The following SKAP1 variants were observed in gnomAD, a reference collection of about 807,000 sequenced individuals.
SKAP1 encodes src kinase associated phosphoprotein 1.
SKAP1 carries 44 observed loss-of-function variants against 58.5 expected under a neutral mutation model. The ratio of observed to expected loss-of-function variants is 0.75; its 90% CI spans 0.59 to 0.97. The LOEUF is 0.97. Ranked by LOEUF, SKAP1 falls within the 50% of genes least tolerant of loss-of-function variation. SKAP1 has a pLI of 0.00. For missense variants in SKAP1, 390 were observed against 435.2 expected (o/e 0.90, Z 0.92); for synonymous variants, 127 against 149.7 (o/e 0.85, Z 1.11).
intron 4 of SKAP1, among the ~76,000 whole-genome samples, chr17:48,247,293 C>T (rs1197730351): frequency 1.3e-5 from 2 of 152,148 alleles, no homozygotes; most frequent in Non-Finnish European, 2.9e-5. Context: ...ATTAACTAAG[C>T]ACCATGAAAG....
chr17:48,425,084 C>T (rs998863841), intron 1 of SKAP1, among the ~76,000 whole-genome samples: 1 of 152,006 alleles, frequency 6.6e-6, no homozygotes, highest in African/African-American at 2.4e-5. Flanking sequence ...ATAGTGAAAC[C>T]CTGTCTCTAC....
intron 3 of SKAP1, among the ~76,000 whole-genome samples, chr17:48,350,717 GAACAAC>G (rs775470522): frequency 3.3e-5 from 5 of 151,604 alleles, no homozygotes; most frequent in East Asian, 1.9e-4. Context: ...AAACAAAAAA[GAACAAC>G]AACAACAACA....
chr17:48,295,405 G>A (rs2065954239), intron 4 of SKAP1: 2 of 151,950 alleles, frequency 1.3e-5, no homozygotes, highest in Admixed American at 1.3e-4. Flanking sequence ...CATATGATAA[G>A]GAGAAAAAAG....
At chr17:48,243,362 T>G (rs2065261668) in intron 4 of SKAP1, among the ~76,000 whole-genome samples, 1 of 152,212 alleles carries the variant, frequency 6.6e-6, no homozygotes, top group African/African-American at 2.4e-5. Context: ...CTTCTTCCCT[T>G]TGTTCTATAA....
intron 4 of SKAP1, among the ~76,000 whole-genome samples, chr17:48,262,951 T>C (rs2065500473): frequency 6.6e-6 from 1 of 152,170 alleles, no homozygotes; most frequent in South Asian, 2.1e-4. Flanking sequence ...TAAAAGATAA[T>C]AAAAATTGTT....
At chr17:48,371,657 A>AAAC in intron 2 of SKAP1, among the ~76,000 whole-genome samples, 1 of 38,810 alleles carries the variant, frequency 2.6e-5, no homozygotes, top group Non-Finnish European at 7.2e-5. Flanking sequence ...GTCTCCACAA[A>AAAC]AAAAAAAAAA....
chr17:48,185,922 T>C (rs2064445263), intron 6 of SKAP1: 1 of 152,182 alleles, frequency 6.6e-6, no homozygotes, highest in South Asian at 2.1e-4. Context: ...TGTTTTGTTG[T>C]TTCTTTGGTC....
chr17:48,303,803 A>C (rs771737089), intron 4 of SKAP1, among the ~76,000 whole-genome samples: 5 of 152,202 alleles, frequency 3.3e-5, no homozygotes, highest in African/African-American at 1.2e-4. Context: ...TTGCTAGATA[A>C]TAAGGGGATA....
At chr17:48,402,165 T>C (rs1413503398) in intron 1 of SKAP1, among the ~76,000 whole-genome samples, 2 of 152,198 alleles carry the variant, frequency 1.3e-5, no homozygotes, top group Non-Finnish European at 2.9e-5. Context: ...TATACATTGC[T>C]GGTAGGAATG....
the SKAP1 span, among the ~76,000 whole-genome samples, chr17:48,443,357 G>A: frequency 6.6e-6 from 1 of 152,206 alleles, no homozygotes; most frequent in African/African-American, 2.4e-5. Flanking sequence ...TGAGGGTTCA[G>A]ATCTTACCTA....
chr17:48,191,998 C>T (rs1300700951), intron 4 of SKAP1, among the ~76,000 whole-genome samples: 7 of 152,116 alleles, frequency 4.6e-5, no homozygotes, highest in African/African-American at 1.7e-4. Context: ...GAAGAGAAGG[C>T]TCTCTGAAGT....
intron 4 of SKAP1, among the ~76,000 whole-genome samples, chr17:48,256,589 G>A (rs2143906346): frequency 6.6e-6 from 1 of 152,194 alleles, no homozygotes; most frequent in African/African-American, 2.4e-5. Context: ...GTGAGGTAGT[G>A]TACAAAGCCT....
chr17:48,287,814 C>A (rs1017523605), intron 4 of SKAP1, among the ~76,000 whole-genome samples: 1 of 152,116 alleles, frequency 6.6e-6, no homozygotes, highest in Non-Finnish European at 1.5e-5. Flanking sequence ...TATATACAAA[C>A]GCAAGTGGAA....
At chr17:48,256,796 T>A (rs1177436991) in intron 4 of SKAP1, among the ~76,000 whole-genome samples, 3 of 152,020 alleles carry the variant, frequency 2.0e-5, no homozygotes, top group Non-Finnish European at 2.9e-5. Flanking sequence ...AAGCTATAAA[T>A]AAAAAATATT....
intron 4 of SKAP1, among the ~76,000 whole-genome samples, chr17:48,333,300 A>G (rs747021639): frequency 1.2e-4 from 19 of 152,348 alleles, no homozygotes; most frequent in South Asian, 2.1e-4. Context: ...AAGAAATAAC[A>G]TAAGTATGTA....
At chr17:48,158,943 G>C (rs2064030501) in intron 11 of SKAP1, among the ~76,000 whole-genome samples, 1 of 147,710 alleles carries the variant, frequency 6.8e-6, no homozygotes, top group Admixed American at 6.9e-5. Context: ...CCTGGCAACA[G>C]AGCGAGACGC....
chr17:48,411,021 C>G (rs1039793474), intron 1 of SKAP1, among the ~76,000 whole-genome samples: 5 of 147,198 alleles, frequency 3.4e-5, no homozygotes, highest in Non-Finnish European at 7.5e-5. Context: ...ATTTCCACAA[C>G]AAAATAAAGT....
At chr17:48,425,728 G>A (rs2067848117) in intron 1 of SKAP1, among the ~76,000 whole-genome samples, 1 of 152,190 alleles carries the variant, frequency 6.6e-6, no homozygotes, top group Admixed American at 6.5e-5. Flanking sequence ...GTTATCTGAT[G>A]TACCAGAAGC....
chr17:48,320,139 A>G (rs536482935), intron 4 of SKAP1, among the ~76,000 whole-genome samples: 118 of 152,274 alleles, frequency 7.7e-4, no homozygotes, highest in African/African-American at 2.7e-3. Context: ...TGAGTTTCCT[A>G]TTGATGATAT....
Sources: allele counts gnomAD v4.1 joint callset (sites outside exome capture counted in the v4.1 genomes callset), GRCh38; gene constraint gnomAD v4.1.1; transcripts MANE v1.5; gene names NCBI Gene and HGNC (gene_info 2026-07-23, HGNC 2026-07-21).